The following PDE11A variants were observed in gnomAD, a reference collection of about 807,000 sequenced individuals.
PDE11A encodes the protein phosphodiesterase 11A, also known as dual 3',5'-cyclic-AMP and -GMP phosphodiesterase 11A.
A neutral mutation model predicts 100.5 loss-of-function variants in PDE11A; 100 were observed. The ratio of observed to expected loss-of-function variants is 1.00; its 90% CI spans 0.85 to 1.18. The LOEUF (loss-of-function observed/expected upper bound fraction) is 1.18. Ranked by LOEUF, PDE11A falls within the 50% of genes most tolerant of loss-of-function variation. The pLI, the probability that PDE11A is intolerant of heterozygous loss-of-function variation, is 0.00. For missense variants in PDE11A, 1,141 were observed against 1,152.6 expected, an observed-to-expected ratio of 0.99 and a Z score of 0.15; for synonymous variants, 381 against 420.8, an observed-to-expected ratio of 0.91 and a Z score of 1.16.
In PDE11A at chr2:177,663,904, GT is replaced by G. The variant is rs768284147; in HGVS notation, c.2607del (p.Gln869HisfsTer17). The G allele has an allele frequency of 6.2e-7, 1 of 1,611,968 alleles. No homozygotes were observed. The highest frequency in any genetic ancestry group is 1.7e-5 in the Admixed American group (1 of 60,020). On this transcript the variant is annotated frameshift_variant, in exon 19 of 20. Transcript: ENST00000286063. LOFTEE classifies it high-confidence loss of function. Reference protein sequence around the residue: ...RNRKDELPRLQLEWIDSICMP... With the variant: ...RNRKDELPRLXLEWIDSICMP... ...ATGCAGATGCTATCAATCCACTCCA[GT>G]TGCAACCGAGGCAGTTCATCCTTCC...
chr2:177,950,712 C>T (rs533292843), intron 2 of PDE11A, among the ~76,000 whole-genome samples: 7 of 152,292 alleles, frequency 4.6e-5, no homozygotes, highest in South Asian at 2.1e-4. Context: ...GAGATCGAGA[C>T]CATCCTGGCT....
At position 177,701,114 on chromosome 2, in the gene PDE11A, C is replaced by T. The variant is rs570580866; in HGVS notation, c.2244+7G>A. 6.7e-7 allele frequency: 1 copy of T among 1,490,072 alleles called. No homozygotes were observed. The highest frequency in any genetic ancestry group is 9.4e-7 in the Non-Finnish European group (1 of 1,066,728). The allele number at this position is 1,490,072 out of a possible 1,614,324, so 92.3% of individuals were successfully genotyped here. A position where few individuals can be genotyped will look rare whatever the true frequency, so the allele number is the denominator to read the frequency against. ...TTAAGGGGAGAAGCAGAACATCAGG[C>T]CTGTACCTCACTTTGAAGGATCATC... On this transcript the variant is annotated splice_region_variant and intron_variant, in intron 14 of 19. Transcript: ENST00000286063.
intron 15 of PDE11A, among the ~76,000 whole-genome samples, chr2:177,691,229 C>A (rs1363344499): frequency 6.6e-6 from 1 of 152,122 alleles, no homozygotes; most frequent in African/African-American, 2.4e-5. Context: ...ATAGCAACAA[C>A]CCCTGTGACT....
rs2082014746 is a variant in PDE11A at position 177,750,801 on chromosome 2, T to C, written c.1788+18522A>G. Among the ~76,000 whole-genome samples the C allele has an allele frequency of 1.3e-5, 2 of 152,218 alleles. 1 individual carries two copies. Among genetic ancestry groups the C allele is most frequent in the South Asian group, 4.1e-4 (2 of 4,832 alleles). ...AAATTATTTGAGTACCAAAACACTT[T>C]TTGTGGCCATGTGGTACATCTATTA... On this transcript the variant is annotated intron_variant, in intron 10 of 19. Coordinates refer to ENST00000286063, the MANE Select transcript of PDE11A (RefSeq NM_016953.4).
intron 2 of PDE11A, among the ~76,000 whole-genome samples, chr2:177,911,619 T>A (rs1173352917): frequency 6.6e-6 from 1 of 152,166 alleles, no homozygotes; most frequent in Non-Finnish European, 1.5e-5. Flanking sequence ...CGCGGTGGCT[T>A]ATGCCTGTAA....
intron 16 of PDE11A, 77 bp downstream of exon 16, chr2:177,680,749 C>G: frequency 1.3e-6 from 1 of 789,584 alleles, no homozygotes. Flanking sequence ...CTTCTATGCT[C>G]TTAGTACTGT....
chr2:178,072,730 G>T lies in PDE11A; in HGVS notation c.-293C>A, dbSNP rs1480450650. ...TGTTCCGGAAACCCGAGCTATCGCTGCTCCTGTTCTGGCTGCCGCCGCTGC... is the reference window on the plus strand; with the variant it reads ...TGTTCCGGAAACCCGAGCTATCGCTTCTCCTGTTCTGGCTGCCGCCGCTGC... On this transcript the variant is annotated 5_prime_UTR_variant, in exon 1 of 20. Transcript: ENST00000286063. The T allele has an allele frequency of 1.0e-5, 14 of 1,356,620 alleles. No individual in the cohort carries two copies. Among genetic ancestry groups the T allele is most frequent in the African/African-American group, 1.5e-5 (1 of 67,892 alleles). The allele number at this position is 1,356,620 out of a possible 1,614,324, so 84.0% of individuals were successfully genotyped here.
chr2:177,723,363 A>G (rs1003551786), intron 12 of PDE11A: 9 of 152,134 alleles, frequency 5.9e-5, no homozygotes, highest in African/African-American at 2.2e-4. Flanking sequence ...CCCCCAGTAA[A>G]TGTCAGGGGG....
intron 2 of PDE11A, among the ~76,000 whole-genome samples, chr2:178,097,666 T>C (rs1040875113): frequency 6.6e-6 from 1 of 152,092 alleles, no homozygotes; most frequent in African/African-American, 2.4e-5. Context: ...AACAGAAACA[T>C]ATAAATGACA....
intron 5 of PDE11A, among the ~76,000 whole-genome samples, chr2:177,875,199 G>A (rs917310704): frequency 1.3e-5 from 2 of 151,902 alleles, no homozygotes; most frequent in African/African-American, 4.8e-5. Context: ...ACTCTAGCCT[G>A]GGTGACAGAG....
intron 9 of PDE11A, among the ~76,000 whole-genome samples, chr2:177,802,900 T>C (rs1319010120): frequency 6.6e-6 from 1 of 152,116 alleles, no homozygotes; most frequent in Non-Finnish European, 1.5e-5. Flanking sequence ...AAAGCACTTG[T>C]ATAAATTTAA....
intron 19 of PDE11A, among the ~76,000 whole-genome samples, chr2:177,654,307 C>T (rs1050020622): frequency 3.3e-5 from 5 of 152,166 alleles, no homozygotes; most frequent in Non-Finnish European, 7.3e-5. Flanking sequence ...ATCACTTTAG[C>T]TCAGGGGTTG....
At chr2:177,902,824 T>A (rs1440053382) in intron 3 of PDE11A, among the ~76,000 whole-genome samples, 1 of 152,192 alleles carries the variant, frequency 6.6e-6, no homozygotes, top group East Asian at 1.9e-4. Flanking sequence ...CACCACTGAT[T>A]TTGGAGGAAA....
chr2:177,837,476 C>CTT (rs35254631), intron 6 of PDE11A, among the ~76,000 whole-genome samples: 13 of 141,732 alleles, frequency 9.2e-5, no homozygotes, highest in African/African-American at 1.8e-4. Flanking sequence ...TTCTTTCTTT[C>CTT]TTTTTTTTTT....
At chr2:177,961,114 G>A (rs1275218919) in intron 2 of PDE11A, among the ~76,000 whole-genome samples, 2 of 152,086 alleles carry the variant, frequency 1.3e-5, no homozygotes, top group Admixed American at 6.5e-5. Flanking sequence ...AAGAGTCCAG[G>A]TTTCTCAGCC....
chr2:177,851,891 C>T (rs988413863), intron 5 of PDE11A, among the ~76,000 whole-genome samples: 1 of 152,026 alleles, frequency 6.6e-6, no homozygotes, highest in East Asian at 1.9e-4. Flanking sequence ...CCATTCCTCT[C>T]CCTCTTCCCA....
chr2:177,835,167 C>T (rs6756270), intron 6 of PDE11A, among the ~76,000 whole-genome samples: 147,534 of 152,246 alleles, frequency 0.97, 71,641 homozygotes, highest in Middle Eastern at 1. Context: ...CTTGAAGATA[C>T]AAGGACAGAA....
intron 9 of PDE11A, among the ~76,000 whole-genome samples, chr2:177,770,492 C>T (rs916443962): frequency 1.3e-5 from 2 of 152,228 alleles, no homozygotes; most frequent in Non-Finnish European, 2.9e-5. Flanking sequence ...ATAGGGTGGC[C>T]TTTATGACAC....
intron 19 of PDE11A, among the ~76,000 whole-genome samples, chr2:177,631,629 G>A (rs59525968): frequency 0.78 from 83,983 of 108,116 alleles, 33,540 homozygotes; most frequent in East Asian, 0.89. Flanking sequence ...ATATGTGTGT[G>A]TATATATATA....
Sources: allele counts gnomAD v4.1 joint callset (sites outside exome capture counted in the v4.1 genomes callset), GRCh38; gene constraint gnomAD v4.1.1; transcripts MANE v1.5; gene names NCBI Gene and HGNC (gene_info 2026-07-23, HGNC 2026-07-21).